MKLN1: variants seen among roughly 807,000 people sequenced by gnomAD.
The protein encoded by MKLN1 is muskelin.
A neutral mutation model predicts 99.0 loss-of-function variants in MKLN1; 18 were observed. That is an observed-to-expected ratio of 0.18 (90% CI 0.13 to 0.27). The LOEUF is 0.27. Ranked by LOEUF, MKLN1 falls within the 10% of genes least tolerant of loss-of-function variation. MKLN1 has a pLI of 1.00. For missense variants in MKLN1, 621 were observed against 875.9 expected (o/e 0.71, Z 3.67); for synonymous variants, 288 against 293.2 (o/e 0.98, Z 0.18).
Position 131,375,300 on chromosome 7 carries a change from G to A in MKLN1, c.99-124G>A, listed in dbSNP as rs1002519218. 8.1e-6 allele frequency: 5 copies of A among 617,036 alleles called. No individual in the cohort carries two copies. The South Asian group carries it at 8.6e-5, about 11-fold the overall frequency. 38.2% of individuals were successfully genotyped at this position (617,036 alleles called of 1,614,324 possible). On this transcript the variant is annotated intron_variant, in intron 1 of 17. Transcript: ENST00000352689. ...TTCTGTGCTTTTCTTACTCTGTTTT[G>A]TTTTCTATTCTTATTCAAGTTCCAA...
chr7:131,428,986 C>A, intron 8 of MKLN1, 47 bp from the exon 9 acceptor site: 1 of 1,505,742 alleles, frequency 6.6e-7, no homozygotes, highest in Non-Finnish European at 9.2e-7. Context: ...GGTGCTTATG[C>A]TTATTTTGTC....
intron 2 of MKLN1, among the ~76,000 whole-genome samples, chr7:131,157,283 A>G (rs1795983748): frequency 6.6e-6 from 1 of 152,212 alleles, no homozygotes; most frequent in African/African-American, 2.4e-5. Context: ...CTATAGTCCC[A>G]GCTACTTGGG....
intron 3 of MKLN1, among the ~76,000 whole-genome samples, chr7:131,260,134 C>T (rs1797711930): frequency 6.6e-6 from 1 of 152,050 alleles, no homozygotes; most frequent in African/African-American, 2.4e-5. Flanking sequence ...CAACCTCTGC[C>T]TCCCGAGCTC....
chr7:131,244,716 A>G (rs1208176107), intron 3 of MKLN1, among the ~76,000 whole-genome samples: 2 of 152,128 alleles, frequency 1.3e-5, no homozygotes, highest in African/African-American at 4.8e-5. Context: ...AGTTGCCTCA[A>G]AAGGACTTTG....
intron 2 of MKLN1, among the ~76,000 whole-genome samples, chr7:131,377,123 G>T (rs1293940178): frequency 6.6e-6 from 1 of 152,132 alleles, no homozygotes; most frequent in African/African-American, 2.4e-5. Flanking sequence ...GATACAAGCT[G>T]CTGTGAACAT....
At chr7:131,122,268 A>C (rs1028306821) in intron 1 of MKLN1, among the ~76,000 whole-genome samples, 7 of 152,226 alleles carry the variant, frequency 4.6e-5, no homozygotes, top group African/African-American at 1.7e-4. Context: ...TAAGTAAAAC[A>C]GATTCCCTTG....
chr7:131,380,088 C>G (rs1793798177), intron 2 of MKLN1, among the ~76,000 whole-genome samples: 1 of 152,078 alleles, frequency 6.6e-6, no homozygotes, highest in Non-Finnish European at 1.5e-5. Context: ...GAAGCTATGT[C>G]TGAAGAGTGA....
At chr7:131,397,831 A>T (rs1261127377) in intron 5 of MKLN1, among the ~76,000 whole-genome samples, 1 of 152,156 alleles carries the variant, frequency 6.6e-6, no homozygotes, top group South Asian at 2.1e-4. Context: ...TAAGATGTGG[A>T]TGTGATTTAG....
At position 131,464,530 on chromosome 7, in the gene MKLN1, C is replaced by G. The variant is rs1796606095; in HGVS notation, c.1788+122C>G. The G allele has an allele frequency of 1.4e-5, 8 of 560,338 alleles. No individual in the cohort carries two copies. In the East Asian group the frequency reaches 2.3e-4, roughly 16 times the overall value. The allele number at this position is 560,338 out of a possible 1,614,324, so 34.7% of individuals were successfully genotyped here. A position where few individuals can be genotyped will look rare whatever the true frequency, so the allele number is the denominator to read the frequency against. ...AAAGTTAAAATACATAGTAGACATT[C>G]AATAGAATAACAAACACCCAATATC... On this transcript the variant is annotated intron_variant, in intron 14 of 17. Coordinates refer to ENST00000352689, the MANE Select transcript of MKLN1 (RefSeq NM_013255.5).
intron 1 of MKLN1, among the ~76,000 whole-genome samples, chr7:131,333,588 G>A (rs1201694360): frequency 6.6e-6 from 1 of 151,810 alleles, no homozygotes; most frequent in African/African-American, 2.4e-5. Context: ...CCAGGCTGGA[G>A]TGCAATGGCG....
rs1475006956 is a variant in MKLN1 at position 131,192,124 on chromosome 7, T to TA, written c.-296-10732dup. Among the ~76,000 whole-genome samples the TA allele has an allele frequency of 2.6e-3, 241 of 91,696 alleles. 21 individuals are homozygous for TA. The highest frequency in any genetic ancestry group is 4.2e-3 in the African/African-American group (87 of 20,758). 60.2% of individuals were successfully genotyped at this position (91,696 alleles called of 152,430 possible). On this transcript the variant is annotated intron_variant, in intron 2 of 7. Coordinates refer to the MKLN1 transcript ENST00000416992. ...TATATATATATTATATATATACGTA[T>TA]ATATATAAAAATATATATACGTATA...
At position 131,143,964 on chromosome 7, in the gene MKLN1, C is replaced by G. The variant is rs1006923367; in HGVS notation, c.-297+1023C>G. Among the ~76,000 whole-genome samples the G allele has an allele frequency of 2.6e-5, 4 of 152,202 alleles. 1 individual carries two copies. Among genetic ancestry groups the G allele is most frequent in the Non-Finnish European group, 1.5e-5 (1 of 68,040 alleles). On this transcript the variant is annotated intron_variant, in intron 2 of 7. Coordinates refer to the MKLN1 transcript ENST00000416992. The stretch of plus-strand genomic sequence containing the variant: ...AACAACTCTGTTTTAGCCATACTGC[C>G]TATCGTCAACCCCACTGCATCCCCA...
At position 131,488,602 on chromosome 7, in the gene MKLN1, TC is replaced by T. The variant is rs1479719599; in HGVS notation, c.*875del. 1 of 152,572 alleles carries T rather than the reference TC, an allele frequency of 6.6e-6. No individual in the cohort carries two copies. The highest frequency in any genetic ancestry group is 1.5e-5 in the Non-Finnish European group (1 of 68,014). The allele number at this position is 152,572 out of a possible 1,614,324, so 9.5% of individuals were successfully genotyped here. On this transcript the variant is annotated 3_prime_UTR_variant, in exon 18 of 18. Coordinates refer to ENST00000352689, the MANE Select transcript of MKLN1 (RefSeq NM_013255.5). The stretch of plus-strand genomic sequence containing the variant: ...GCAATTTTAGGAGAAAATGACTCTT[TC>T]GTCCAGAAGAGCTCTGCAGAACCAG...
At chr7:131,215,044 A>G (rs1249362825) in intron 3 of MKLN1, among the ~76,000 whole-genome samples, 1 of 152,076 alleles carries the variant, frequency 6.6e-6, no homozygotes, top group Non-Finnish European at 1.5e-5. Flanking sequence ...TTGTATGTTG[A>G]TCTTATACCA....
chr7:131,174,561 A>G (rs1260000204), intron 2 of MKLN1, among the ~76,000 whole-genome samples: 6 of 152,262 alleles, frequency 3.9e-5, no homozygotes, highest in African/African-American at 1.4e-4. Flanking sequence ...TCTTCCCGAC[A>G]TGAGGTGAGG....
chr7:131,144,122 A>T (rs1217263635), intron 2 of MKLN1, among the ~76,000 whole-genome samples: 3 of 152,166 alleles, frequency 2.0e-5, no homozygotes, highest in Non-Finnish European at 4.4e-5. Flanking sequence ...GATGCTCAGC[A>T]CTTGGAACAG....
At chr7:131,345,498 A>G (rs1044447369) in intron 1 of MKLN1, among the ~76,000 whole-genome samples, 9 of 152,164 alleles carry the variant, frequency 5.9e-5, no homozygotes, top group African/African-American at 2.2e-4. Context: ...AGGGAGGATC[A>G]TAGAGTCCAG....
At chr7:131,324,296 G>C (rs1254261420), upstream of MKLN1, 3 of 152,220 alleles carry the variant, frequency 2.0e-5, no homozygotes, top group African/African-American at 4.8e-5. Flanking sequence ...GAACTCATCT[G>C]AAACACCTGA....
At chr7:131,372,801 G>A (rs1440377358) in intron 1 of MKLN1, among the ~76,000 whole-genome samples, 1 of 150,984 alleles carries the variant, frequency 6.6e-6, no homozygotes, top group African/African-American at 2.4e-5. Flanking sequence ...TTAAGAGCAT[G>A]GACTTTGTAG....
Sources: gnomAD v4.1 joint callset for allele counts (sites outside exome capture counted in the v4.1 genomes callset) on GRCh38, gnomAD v4.1.1 for gene constraint, MANE v1.5 for transcripts, NCBI Gene and HGNC (gene_info 2026-07-23, HGNC 2026-07-21) for gene names.